Variants in CFAP61 observed in about 807,000 individuals in gnomAD.
The protein encoded by CFAP61 is cilia and flagella associated protein 61.
A neutral mutation model predicts 135.6 loss-of-function variants in CFAP61; 107 were observed. The ratio of observed to expected loss-of-function variants is 0.79; its 90% CI spans 0.67 to 0.93. The LOEUF is 0.93. Ranked by LOEUF, CFAP61 falls within the 40% of genes least tolerant of loss-of-function variation. CFAP61 has a pLI of 0.00. For synonymous variants in CFAP61, 575 were observed against 578.5 expected, an observed-to-expected ratio of 0.99 and a Z score of 0.09; for missense variants, 1,507 against 1,556.2, an observed-to-expected ratio of 0.97 and a Z score of 0.53.
intron 25 of CFAP61, among the ~76,000 whole-genome samples, chr20:20,329,503 C>T (rs1173303720): frequency 2.0e-5 from 3 of 152,170 alleles, no homozygotes; most frequent in Admixed American, 1.3e-4. Flanking sequence ...CTGCATTTAG[C>T]AGGGCCCCTT....
At chr20:20,299,329 C>T (rs545554409) in intron 25 of CFAP61, among the ~76,000 whole-genome samples, 3 of 152,310 alleles carry the variant, frequency 2.0e-5, no homozygotes, top group African/African-American at 4.8e-5. Flanking sequence ...GTGGAGGTAG[C>T]CACTGTCCTG....
intron 9 of CFAP61, among the ~76,000 whole-genome samples, chr20:20,153,182 G>T (rs1601005084): frequency 6.6e-6 from 1 of 152,240 alleles, no homozygotes; most frequent in Middle Eastern, 3.4e-3. Context: ...ACTGATAATA[G>T]TGACACAATT....
At chr20:20,249,790 G>T (rs1273949446) in intron 19 of CFAP61, among the ~76,000 whole-genome samples, 1 of 151,964 alleles carries the variant, frequency 6.6e-6, no homozygotes, top group African/African-American at 2.4e-5. Context: ...TTTATCTTTG[G>T]GCACAGCCTC....
intron 1 of CFAP61, 138 bp downstream of exon 1, chr20:20,052,729 G>A: frequency 1.3e-6 from 2 of 1,599,386 alleles, no homozygotes; most frequent in Non-Finnish European, 8.5e-7. Context: ...CGCCCTGCAA[G>A]GGAGTAAGAA....
chr20:20,340,605 G>A (rs1487472359), intron 25 of CFAP61, among the ~76,000 whole-genome samples: 1 of 152,108 alleles, frequency 6.6e-6, no homozygotes, highest in Non-Finnish European at 1.5e-5. Flanking sequence ...CATGGCCCGA[G>A]AGCACCTGGG....
intron 17 of CFAP61, 47 bp downstream of exon 17, chr20:20,199,949 G>C (rs756851672): frequency 6.2e-7 from 1 of 1,603,746 alleles, no homozygotes; most frequent in African/African-American, 1.3e-5. Context: ...CAGCTCCCGC[G>C]GGCCTGGCAG....
intron 25 of CFAP61, among the ~76,000 whole-genome samples, chr20:20,329,535 C>G (rs2057899700): frequency 1.3e-5 from 2 of 152,238 alleles, no homozygotes; most frequent in African/African-American, 4.8e-5. Flanking sequence ...ATACCCTGTC[C>G]AGTGTAGCCT....
intron 2 of CFAP61, chr20:20,069,783 C>T (rs373913049): frequency 2.2e-6 from 1 of 455,902 alleles, no homozygotes; most frequent in South Asian, 1.6e-5. Flanking sequence ...TGTATTCCTT[C>T]TGTGATAAAA....
At chr20:20,334,202 C>T (rs1478496450) in intron 25 of CFAP61, among the ~76,000 whole-genome samples, 1 of 152,206 alleles carries the variant, frequency 6.6e-6, no homozygotes, top group African/African-American at 2.4e-5. Flanking sequence ...TCTCAGCTCA[C>T]TGCAACCTCT....
At chr20:20,356,531 GTGAGGGGAGGTGGTCACAC>G (rs1485656664) in intron 26 of CFAP61, among the ~76,000 whole-genome samples, 2,370 of 107,268 alleles carry the variant, frequency 0.022, 32 homozygotes, top group Non-Finnish European at 0.032. Context: ...TGGTCACAGT[GTGAGGGGAGGTGGTCACAC>G]TGAGGGGAGG....
chr20:20,215,778 T>C (rs1310462555), intron 17 of CFAP61, among the ~76,000 whole-genome samples: 1 of 152,048 alleles, frequency 6.6e-6, no homozygotes, highest in Non-Finnish European at 1.5e-5. Context: ...GAGTGATTCT[T>C]CCTCAAGAGG....
chr20:20,146,048 C>T (rs948996791), intron 9 of CFAP61, among the ~76,000 whole-genome samples: 6 of 152,188 alleles, frequency 3.9e-5, no homozygotes, highest in African/African-American at 1.4e-4. Context: ...CCCTCAGCAT[C>T]CCATCAAATG....
intron 9 of CFAP61, among the ~76,000 whole-genome samples, chr20:20,156,965 T>A (rs576088379): frequency 6.9e-4 from 105 of 152,292 alleles, no homozygotes; most frequent in African/African-American, 2.4e-3. Flanking sequence ...TTTATAGAAG[T>A]TTAATTAATT....
At chr20:20,282,595 T>C (rs2054277090) in intron 22 of CFAP61, among the ~76,000 whole-genome samples, 1 of 152,226 alleles carries the variant, frequency 6.6e-6, no homozygotes, top group Admixed American at 6.5e-5. Flanking sequence ...CTAAATATTA[T>C]ATTTTTAATT....
At chr20:20,140,935 T>A (rs1334904442) in intron 8 of CFAP61, among the ~76,000 whole-genome samples, 1 of 148,326 alleles carries the variant, frequency 6.7e-6, no homozygotes, top group African/African-American at 2.5e-5. Flanking sequence ...TTTTTTTTTG[T>A]TTTTGGAGAT....
At chr20:20,141,760 A>G (rs1182686647) in intron 8 of CFAP61, among the ~76,000 whole-genome samples, 1 of 152,214 alleles carries the variant, frequency 6.6e-6, no homozygotes, top group Non-Finnish European at 1.5e-5. Context: ...CTAGAAGAAT[A>G]CCATGGGAGA....
intron 17 of CFAP61, among the ~76,000 whole-genome samples, chr20:20,211,386 CA>C (rs1346163691): frequency 6.6e-6 from 1 of 152,198 alleles, no homozygotes; most frequent in Admixed American, 6.5e-5. Flanking sequence ...CTTTAAGTAT[CA>C]AAACTTTTAG....
At chr20:20,075,451 G>C in intron 5 of CFAP61, 38 bp from the exon 6 acceptor site, 2 of 1,607,374 alleles carry the variant, frequency 1.2e-6, no homozygotes, top group Non-Finnish European at 8.5e-7. Flanking sequence ...TTTATTTCTT[G>C]ATAAATAAGG....
chr20:20,192,955 G>T (rs533535009), intron 15 of CFAP61, among the ~76,000 whole-genome samples: 1 of 151,988 alleles, frequency 6.6e-6, no homozygotes, highest in Non-Finnish European at 1.5e-5. Flanking sequence ...TATTCTACTG[G>T]TCAGACCAGT....
Sources: gnomAD v4.1 joint callset for allele counts (sites outside exome capture counted in the v4.1 genomes callset) on GRCh38, gnomAD v4.1.1 for gene constraint, MANE v1.5 for transcripts, NCBI Gene and HGNC (gene_info 2026-07-23, HGNC 2026-07-21) for gene names.